GRID1: variants seen among roughly 807,000 people sequenced by gnomAD.
GRID1 encodes the protein glutamate receptor ionotropic, delta-1.
GRID1 carries 28 observed loss-of-function variants against 98.0 expected under a neutral mutation model. That is an observed-to-expected ratio of 0.29 (90% confidence interval 0.21 to 0.39). The LOEUF is 0.39. Among genes scored for constraint, GRID1 ranks in the 10% least tolerant of loss-of-function variants. GRID1 has a pLI of 1.00. For synonymous variants in GRID1, 553 were observed against 538.5 expected, an observed-to-expected ratio of 1.03 and a Z score of -0.37; for missense variants, 1,111 against 1,340.5, an observed-to-expected ratio of 0.83 and a Z score of 2.67.
chr10:85,610,638 G>C (rs941414400), intron 15 of GRID1, among the ~76,000 whole-genome samples: 21 of 152,176 alleles, frequency 1.4e-4, no homozygotes, highest in Non-Finnish European at 2.1e-4. Flanking sequence ...TGTGATACCT[G>C]CTGATCACTG....
chr10:85,802,899 A>G (rs1842590686), intron 8 of GRID1, among the ~76,000 whole-genome samples: 1 of 150,924 alleles, frequency 6.6e-6, no homozygotes, highest in Non-Finnish European at 1.5e-5. Context: ...AGGAACATTC[A>G]AATCAAATTG....
chr10:86,327,497 A>AG (rs1223607607), intron 2 of GRID1, among the ~76,000 whole-genome samples: 1 of 152,234 alleles, frequency 6.6e-6, no homozygotes, highest in Non-Finnish European at 1.5e-5. Flanking sequence ...TGAGTCATGG[A>AG]CACCTATATA....
chr10:86,056,551 C>G (rs1843575246), intron 4 of GRID1, among the ~76,000 whole-genome samples: 1 of 152,200 alleles, frequency 6.6e-6, no homozygotes, highest in African/African-American at 2.4e-5. Flanking sequence ...CATTCCCAAA[C>G]CCTTCCCCAT....
At chr10:85,723,474 T>C (rs1489690817) in intron 11 of GRID1, among the ~76,000 whole-genome samples, 1 of 152,206 alleles carries the variant, frequency 6.6e-6, no homozygotes, top group East Asian at 1.9e-4. Context: ...TAAGAACTTC[T>C]AGGGCTGCAG....
At position 85,653,563 on chromosome 10, in the gene GRID1, C is replaced by T. The variant is rs530222168; in HGVS notation, c.1998-6166G>A. ...CTAGGAAAGGGGATGCTGGGGTGTACACAGGAGCTGTGGTTAGAATACTGT... is the reference window on the plus strand; with the variant it reads ...CTAGGAAAGGGGATGCTGGGGTGTATACAGGAGCTGTGGTTAGAATACTGT... On this transcript the variant is annotated intron_variant, in intron 12 of 15. Coordinates refer to ENST00000327946, the MANE Select transcript of GRID1 (RefSeq NM_017551.3). 3.8e-4 allele frequency among the ~76,000 whole-genome samples: 58 copies of T among 152,284 alleles called. No homozygotes were observed. The South Asian group carries it at 0.012, about 30-fold the overall frequency.
intron 5 of GRID1, among the ~76,000 whole-genome samples, chr10:85,880,056 T>C (rs915224746): frequency 2.0e-5 from 3 of 152,048 alleles, no homozygotes; most frequent in African/African-American, 7.2e-5. Context: ...CATACACCCT[T>C]CCAAGACTAA....
At chr10:86,117,854 G>A (rs986446808) in intron 4 of GRID1, among the ~76,000 whole-genome samples, 2 of 152,218 alleles carry the variant, frequency 1.3e-5, no homozygotes, top group African/African-American at 4.8e-5. Context: ...CACTGTTGGT[G>A]AGAATGTAAA....
intron 2 of GRID1, among the ~76,000 whole-genome samples, chr10:86,307,751 G>A (rs943857063): frequency 6.6e-6 from 1 of 152,114 alleles, no homozygotes; most frequent in Non-Finnish European, 1.5e-5. Context: ...GCCTGATTCT[G>A]GTGATCACTT....
intron 12 of GRID1, among the ~76,000 whole-genome samples, chr10:85,711,190 C>T (rs11201745): frequency 0.65 from 98,187 of 151,784 alleles, 32,744 homozygotes; most frequent in African/African-American, 0.81. Flanking sequence ...TTTATAACGG[C>T]AGTATTTACA....
chr10:86,005,694 T>C (rs1842852517), intron 4 of GRID1, among the ~76,000 whole-genome samples: 2 of 152,204 alleles, frequency 1.3e-5, no homozygotes. Context: ...ATCGCCATTA[T>C]CTTGAGTAAG....
intron 8 of GRID1, among the ~76,000 whole-genome samples, chr10:85,842,304 T>C (rs541071134): frequency 6.6e-6 from 1 of 151,964 alleles, no homozygotes; most frequent in South Asian, 2.1e-4. Flanking sequence ...AAACACACAC[T>C]GAGGCCTATT....
Position 85,966,999 on chromosome 10 carries a change from C to A in GRID1, c.727-50760G>T, listed in dbSNP as rs553326878. 1.4e-4 allele frequency among the ~76,000 whole-genome samples: 21 copies of A among 152,246 alleles called. No homozygotes were observed. The South Asian group carries it at 3.5e-3, about 26-fold the overall frequency. ...GGTGGAGATAATTGACTACTGGGAGCAGTTTTCCCCATACTGTTCTCATGG... is the reference window on the plus strand; with the variant it reads ...GGTGGAGATAATTGACTACTGGGAGAAGTTTTCCCCATACTGTTCTCATGG... On this transcript the variant is annotated intron_variant, in intron 4 of 15. Coordinates refer to ENST00000327946, the MANE Select transcript of GRID1 (RefSeq NM_017551.3).
chr10:85,776,145 A>G (rs530652491), intron 8 of GRID1, among the ~76,000 whole-genome samples: 9 of 152,284 alleles, frequency 5.9e-5, no homozygotes, highest in Non-Finnish European at 1.3e-4. Flanking sequence ...GTTCTTAACT[A>G]CGATGCCCTT....
chr10:85,823,127 T>C (rs1842788119), intron 8 of GRID1, among the ~76,000 whole-genome samples: 2 of 152,118 alleles, frequency 1.3e-5, no homozygotes, highest in African/African-American at 4.8e-5. Context: ...ACATGGCACA[T>C]GTATACATAT....
At chr10:85,921,073 A>G (rs1215208765) in intron 4 of GRID1, among the ~76,000 whole-genome samples, 1 of 152,232 alleles carries the variant, frequency 6.6e-6, no homozygotes, top group East Asian at 1.9e-4. Context: ...TAAGGATGTA[A>G]GAAGTTGCAA....
chr10:86,297,516 C>A (rs934748034), intron 2 of GRID1, among the ~76,000 whole-genome samples: 5 of 152,010 alleles, frequency 3.3e-5, no homozygotes, highest in African/African-American at 9.7e-5. Flanking sequence ...AGAAACCTAG[C>A]AGGAAATAGA....
intron 2 of GRID1, among the ~76,000 whole-genome samples, chr10:86,359,304 T>A (rs1323337883): frequency 2.0e-5 from 3 of 152,152 alleles, no homozygotes; most frequent in Non-Finnish European, 4.4e-5. Context: ...CAATTCTCTA[T>A]AATTCTGAAT....
At chr10:86,083,230 T>C (rs578041137) in intron 4 of GRID1, among the ~76,000 whole-genome samples, 6 of 152,326 alleles carry the variant, frequency 3.9e-5, no homozygotes, top group African/African-American at 1.4e-4. Context: ...GCATCACTTA[T>C]TGGGAGATGC....
chr10:85,806,545 T>A (rs1842624493), intron 8 of GRID1, among the ~76,000 whole-genome samples: 2 of 151,816 alleles, frequency 1.3e-5, no homozygotes, highest in Non-Finnish European at 1.5e-5. Context: ...ATAACCCAAG[T>A]TTGGAAAAAA....
Sources: gnomAD v4.1 joint callset for allele counts (sites outside exome capture counted in the v4.1 genomes callset) on GRCh38, gnomAD v4.1.1 for gene constraint, MANE v1.5 for transcripts, NCBI Gene and HGNC (gene_info 2026-07-23, HGNC 2026-07-21) for gene names.